The following MROH7 variants were observed in gnomAD, a reference collection of about 807,000 sequenced individuals.
MROH7 encodes the protein maestro heat-like repeat-containing protein family member 7.
In MROH7, 113 loss-of-function variants were observed where a neutral mutation model predicts 129.2. The ratio of observed to expected loss-of-function variants is 0.87; its 90% confidence interval spans 0.75 to 1.02. The LOEUF (loss-of-function observed/expected upper bound fraction) is 1.02. Among genes scored for constraint, MROH7 ranks in the 50% least tolerant of loss-of-function variants. The pLI is 0.00. For missense variants in MROH7, 1,601 were observed against 1,671.3 expected (o/e 0.96, Z 0.73); for synonymous variants, 655 against 667.9 (o/e 0.98, Z 0.30).
At chr1:54,642,446 A>G (rs1191689352) in intron 1 of MROH7, among the ~76,000 whole-genome samples, 1 of 152,148 alleles carries the variant, frequency 6.6e-6, no homozygotes, top group African/African-American at 2.4e-5. Context: ...TTCCTTTAGG[A>G]TAAGGACCTA....
Position 54,678,843 on chromosome 1 carries a change from C to T in MROH7, c.2038C>T (p.Arg680Trp), listed in dbSNP as rs765231121. Reference sequence around the variant, plus strand: ...TGTGAGCCCGTGCCAGAACATTCTGCGGGTGATCGAGGTGACTGCCTGGTG... The same window carrying T: ...TGTGAGCCCGTGCCAGAACATTCTGTGGGTGATCGAGGTGACTGCCTGGTG... The part of the protein sequence containing the change: ...NPVSPCQNIL[R>W]VIEEFGDFLG... Residue 680 changes from arginine (R) to tryptophan (W), a missense_variant, in exon 11 of 24, where the codon CGG (arginine) becomes TGG (tryptophan). Physicochemically the swap from Arg to Trp is moderately radical, Grantham distance 101 (BLOSUM62 -3). Transcript: ENST00000421030. 2.0e-5 allele frequency: 33 copies of T among 1,613,406 alleles called. No individual in the cohort carries two copies. The highest frequency in any genetic ancestry group is 6.7e-5 in the East Asian group (3 of 44,844).
chr1:54,666,607 A>ATT lies in MROH7; in HGVS notation c.1305+1376_1305+1377dup, dbSNP rs72498938. 8.4e-3 allele frequency among the ~76,000 whole-genome samples: 1,229 copies of ATT among 146,872 alleles called. 16 individuals carry two copies. The highest frequency in any genetic ancestry group is 0.029 in the African/African-American group (1,168 of 39,796). On this transcript the variant is annotated intron_variant, in intron 4 of 23. Transcript: ENST00000421030. The stretch of plus-strand genomic sequence containing the variant: ...GAGCCTCTGTGCCCGGCCCTGGGCT[A>ATT]TTTTTTTTTTAATTTTTTGCCTAGA...
Position 54,695,455 on chromosome 1 carries a change from A to C in MROH7, c.2929A>C (p.Lys977Gln). 3.7e-6 allele frequency: 6 copies of C among 1,613,930 alleles called. No individual in the cohort carries two copies. Among genetic ancestry groups the C allele is most frequent in the Non-Finnish European group, 3.4e-6 (4 of 1,179,920 alleles). Reference protein sequence around the residue: ...LIPLLERGDEKHRITATAFFV... With the variant: ...LIPLLERGDEQHRITATAFFV... The stretch of plus-strand genomic sequence containing the variant: ...CCCGCTCCTGGAGCGAGGCGACGAG[A>C]AGCACAGGATCACGGCCACCGCCTT... The change falls in exon 17 of 24, where the codon AAG becomes CAG. Residue 977 changes from lysine (K) to glutamine (Q), a missense_variant. Coordinates refer to ENST00000421030, the MANE Select transcript of MROH7 (RefSeq NM_001039464.4).
In MROH7 at chr1:54,701,254, G is replaced by A. The variant is rs1227195098; in HGVS notation, c.3217G>A (p.Asp1073Asn). 6.2e-7 allele frequency: 1 copy of A among 1,613,912 alleles called. No homozygotes were observed. The highest frequency in any genetic ancestry group is 1.3e-5 in the African/African-American group (1 of 74,942). Reference protein sequence around the residue: ...HNLKAVFKGRDQKLMDSAVYV... With the variant: ...HNLKAVFKGRNQKLMDSAVYV... ...CCTCAAGGCTGTCTTCAAGGGGCGG[G>A]ACCAGAAGCTGATGGACAGTGCGGT... Residue 1073 changes from aspartate (D) to asparagine (N), a missense_variant, in exon 19 of 24, where the codon GAC becomes AAC. By Grantham distance (23) the Asp-to-Asn change is conservative (BLOSUM62 1). Transcript: ENST00000421030.
intron 2 of MROH7, 110 bp from the exon 3 acceptor site, chr1:54,652,743 C>T (rs1644576331): frequency 2.7e-6 from 2 of 741,870 alleles, no homozygotes; most frequent in East Asian, 2.8e-5. Context: ...GGCACAGTCA[C>T]CAGGGCCTTG....
intron 13 of MROH7, 51 bp downstream of exon 13, chr1:54,680,096 C>T: frequency 5.1e-6 from 8 of 1,576,462 alleles, no homozygotes; most frequent in Non-Finnish European, 7.0e-6. Flanking sequence ...GTTCAAGCAG[C>T]CCCCACCCCA....
chr1:54,701,400 C>A (rs1350155121), intron 19 of MROH7, 78 bp downstream of exon 19: 4 of 1,308,656 alleles, frequency 3.1e-6, no homozygotes, highest in South Asian at 1.6e-5. Flanking sequence ...GCATTTCCAC[C>A]TGTGCCCCCA....
In MROH7 at chr1:54,710,060, C is replaced by A. The variant is rs764155835; in HGVS notation, c.3845C>A (p.Ser1282Ter). 1 of 1,614,028 alleles carries A rather than the reference C, an allele frequency of 6.2e-7. No homozygotes were observed. The highest frequency in any genetic ancestry group is 1.3e-5 in the African/African-American group (1 of 74,926). ...AACTCCTGGCTGCCGCACGGGAACT[C>A]ATGGGTGTGTTACTCAGCCACCACC... ...WQNSWLPHGNSWVCYSATTHR... is the reference protein window; with the variant it reads ...WQNSWLPHGN Residue 1282 changes from serine (S) to a stop codon, truncating the protein, a stop_gained, in exon 24 of 24, where the codon TCA becomes TAA. Transcript: ENST00000421030. LOFTEE classifies it high-confidence loss of function.
At chr1:54,706,963 C>G (rs1223047510) in intron 22 of MROH7, among the ~76,000 whole-genome samples, 8 of 152,170 alleles carry the variant, frequency 5.3e-5, no homozygotes. Context: ...TATTTACTCC[C>G]ACTGAGCCTC....
chr1:54,681,108 A>G (rs1282641279), intron 13 of MROH7, among the ~76,000 whole-genome samples: 1 of 152,192 alleles, frequency 6.6e-6, no homozygotes, highest in Non-Finnish European at 1.5e-5. Context: ...AGAGGCACCC[A>G]GGGCATAACA....
chr1:54,694,416 C>G (rs1345607866), intron 16 of MROH7, among the ~76,000 whole-genome samples: 1 of 152,214 alleles, frequency 6.6e-6, no homozygotes, highest in Admixed American at 6.5e-5. Flanking sequence ...CCTGTTAAAA[C>G]ACTGGTTGCT....
chr1:54,658,986 G>C (rs1002779272), intron 3 of MROH7: 2 of 303,114 alleles, frequency 6.6e-6, no homozygotes, highest in African/African-American at 4.7e-5. Context: ...CACTGCCCCG[G>C]AGGTGACAAT....
At chr1:54,700,098 C>A (rs1440885928) in intron 17 of MROH7, 6 of 705,710 alleles carry the variant, frequency 8.5e-6, no homozygotes, top group Non-Finnish European at 1.3e-5. Context: ...AAGGCAACAA[C>A]AAGCAGTCAC....
chr1:54,703,158 G>A lies in MROH7; in HGVS notation c.3564+413G>A, dbSNP rs574732847. The stretch of plus-strand genomic sequence containing the variant: ...TTTCCCTCCCCACCCTGCTGCCATC[G>A]TTGCCCTTAATTCAGGGCACCGACA... On this transcript the variant is annotated intron_variant, in intron 21 of 23. Transcript: ENST00000421030. This position sits in a 1 kb window ranked among gnomAD's most constrained non-coding sequence, Gnocchi z 4.4. Among the ~76,000 whole-genome samples the A allele has an allele frequency of 1.3e-5, 2 of 151,932 alleles. No homozygotes were observed. The highest frequency in any genetic ancestry group is 2.1e-4 in the South Asian group (1 of 4,814).
rs1557723938 is a variant in MROH7, at chr1:54,695,498, CG to C, written c.2964+13del. On this transcript the variant is annotated intron_variant, in intron 17 of 23. Transcript: ENST00000421030. ...ACCGCCTTCTTCGTGGAGGTACCAACGGGGGCAGCGGGTACACAGCGGGAGC... is the reference window on the plus strand; with the variant it reads ...ACCGCCTTCTTCGTGGAGGTACCAACGGGGCAGCGGGTACACAGCGGGAGC... 1.3e-6 allele frequency: 2 copies of C among 1,590,866 alleles called. No homozygotes were observed. Among genetic ancestry groups the C allele is most frequent in the African/African-American group, 2.7e-5 (2 of 74,496 alleles).
chr1:54,653,889 C>T lies in MROH7; in HGVS notation c.963C>T (p.Ile321=), dbSNP rs377151167. ...HSSTHEPNST[I]SPPSCMTLIL... is the part of the protein sequence containing the mutation. ...GCACCCATGAGCCCAACTCCACCAT[C>T]TCTCCACCCTCATGCATGACTCTAA... is the stretch of plus-strand genomic sequence containing the variant. The change falls in exon 3 of 24, where the codon ATC becomes ATT. Residue 321 remains isoleucine, a synonymous_variant. Transcript: ENST00000421030. 1 of 1,613,882 alleles carries T rather than the reference C, an allele frequency of 6.2e-7. No homozygotes were observed. Among genetic ancestry groups the T allele is most frequent in the African/African-American group, 1.3e-5 (1 of 74,940 alleles).
intron 3 of MROH7, among the ~76,000 whole-genome samples, chr1:54,655,314 C>T (rs1027572887): frequency 1.2e-4 from 18 of 151,948 alleles, no homozygotes; most frequent in South Asian, 6.2e-4. Context: ...CACACCCGAC[C>T]GAGAATCCTT....
At chr1:54,706,667 A>G in intron 22 of MROH7, 130 bp downstream of exon 22, 3 of 665,410 alleles carry the variant, frequency 4.5e-6, no homozygotes, top group East Asian at 5.2e-5. Context: ...CTTGGCCACC[A>G]GACAGCCATG....
chr1:54,656,699 G>C (rs1644653905), intron 3 of MROH7, among the ~76,000 whole-genome samples: 2 of 151,864 alleles, frequency 1.3e-5, no homozygotes, highest in Admixed American at 6.6e-5. Flanking sequence ...GCCGGGGCCT[G>C]TAATCCCAGC....
Sources: gnomAD v4.1 joint callset for allele counts (sites outside exome capture counted in the v4.1 genomes callset) on GRCh38, gnomAD v4.1.1 for gene constraint, Gnocchi (gnomAD v3.1) non-coding constraint, MANE v1.5 for transcripts, NCBI Gene and HGNC (gene_info 2026-07-23, HGNC 2026-07-21) for gene names.